The following SORCS1 variants were observed in gnomAD, a reference collection of about 807,000 sequenced individuals.
The protein encoded by SORCS1 is sortilin related VPS10 domain containing receptor 1.
In SORCS1, 60 loss-of-function variants were observed where a neutral mutation model predicts 146.1. The observed-to-expected ratio is 0.41, with a 90% CI of 0.33 to 0.51. SORCS1 has a LOEUF of 0.51. Among genes scored for constraint, SORCS1 ranks in the 20% least tolerant of loss-of-function variants. The pLI, the probability that SORCS1 is intolerant of heterozygous loss-of-function variation, is 0.21. For synonymous variants in SORCS1, 637 were observed against 584.0 expected (o/e 1.09, Z -1.31); for missense variants, 1,352 against 1,487.6 (o/e 0.91, Z 1.50).
chr10:106,696,994 G>C (rs1349073554), intron 9 of SORCS1, among the ~76,000 whole-genome samples: 8 of 152,154 alleles, frequency 5.3e-5, no homozygotes. Flanking sequence ...AAAGAAAACT[G>C]GGGATTAAGC....
At position 106,707,189 on chromosome 10, in the gene SORCS1, A is replaced by AT. The variant is rs3044946; in HGVS notation, c.1144-556dup. 5.4e-3 allele frequency among the ~76,000 whole-genome samples: 785 copies of AT among 145,164 alleles called. 10 individuals carry two copies. The highest frequency in any genetic ancestry group is 0.019 in the African/African-American group (752 of 39,196). ...ATCTAGGTCTCTTCTATTTAATTTA[A>AT]TTTTTTTTTTTTTTTTGAGATGAAG... On this transcript the variant is annotated intron_variant, in intron 7 of 25. Transcript: ENST00000263054.
intron 4 of SORCS1, among the ~76,000 whole-genome samples, chr10:106,772,422 C>A (rs938982821): frequency 6.6e-6 from 1 of 152,006 alleles, no homozygotes; most frequent in Non-Finnish European, 1.5e-5. Flanking sequence ...TAAGCCTCCA[C>A]AATTACATGA....
intron 2 of SORCS1, among the ~76,000 whole-genome samples, chr10:106,880,380 T>A (rs1715712115): frequency 6.6e-6 from 1 of 152,202 alleles, no homozygotes; most frequent in African/African-American, 2.4e-5. Context: ...TATGAACATA[T>A]TTAGGAAAAC....
At chr10:107,055,154 C>A (rs1960487842) in intron 1 of SORCS1, among the ~76,000 whole-genome samples, 1 of 152,124 alleles carries the variant, frequency 6.6e-6, no homozygotes, top group South Asian at 2.1e-4. Flanking sequence ...CTGGGAGAAG[C>A]CTTGAAGAGC....
chr10:106,915,992 T>C (rs1362839319), intron 2 of SORCS1, among the ~76,000 whole-genome samples: 1 of 152,212 alleles, frequency 6.6e-6, no homozygotes, highest in Non-Finnish European at 1.5e-5. Flanking sequence ...AAAACCTTGA[T>C]GGCTCTATCG....
At chr10:106,603,187 A>G (rs750588167) in intron 23 of SORCS1, among the ~76,000 whole-genome samples, 3 of 152,204 alleles carry the variant, frequency 2.0e-5, no homozygotes, top group Non-Finnish European at 4.4e-5. Context: ...AAACAAATTT[A>G]TTCACCCCTG....
At chr10:106,673,912 T>C (rs1370415362) in intron 14 of SORCS1, among the ~76,000 whole-genome samples, 2 of 152,134 alleles carry the variant, frequency 1.3e-5, no homozygotes, top group Admixed American at 1.3e-4. Context: ...ATATAAAAAT[T>C]GAAGAAAGAC....
chr10:106,585,443 C>T (rs1377591498), intron 24 of SORCS1, among the ~76,000 whole-genome samples: 1 of 152,120 alleles, frequency 6.6e-6, no homozygotes, highest in Non-Finnish European at 1.5e-5. Flanking sequence ...CCTACACACA[C>T]AAATGTTCCC....
At chr10:106,896,368 G>A (rs527440571) in intron 2 of SORCS1, among the ~76,000 whole-genome samples, 95 of 150,332 alleles carry the variant, frequency 6.3e-4, no homozygotes, top group Non-Finnish European at 1.1e-3. Flanking sequence ...GACAGGGGTT[G>A]CAGTGAGCCA....
Position 106,601,091 on chromosome 10 carries a change from T to C in SORCS1, c.3166-3641A>G, listed in dbSNP as rs140342538. 5.7e-3 allele frequency among the ~76,000 whole-genome samples: 861 copies of C among 152,108 alleles called. 13 individuals are homozygous for C. The highest frequency in any genetic ancestry group is 0.02 in the African/African-American group (834 of 41,460). On this transcript the variant is annotated intron_variant, in intron 23 of 25. Transcript: ENST00000263054. Reference sequence around the variant, plus strand: ...CATAATTGGGTAATGTTTGGGAGAGTCTTCGGCTATAGAAAGGAGTAGAAT... The same window carrying C: ...CATAATTGGGTAATGTTTGGGAGAGCCTTCGGCTATAGAAAGGAGTAGAAT...
intron 3 of SORCS1, among the ~76,000 whole-genome samples, chr10:106,800,069 T>C (rs1340678508): frequency 6.6e-6 from 1 of 152,180 alleles, no homozygotes; most frequent in Non-Finnish European, 1.5e-5. Flanking sequence ...GTCAGAATTG[T>C]CTGCCTGCCC....
At chr10:106,669,745 C>T (rs1851444795) in intron 16 of SORCS1, among the ~76,000 whole-genome samples, 2 of 152,180 alleles carry the variant, frequency 1.3e-5, no homozygotes, top group Non-Finnish European at 2.9e-5. Flanking sequence ...GCTCTGTTGC[C>T]CTCTGGCTGA....
chr10:107,074,218 G>C (rs72812922), intron 1 of SORCS1, among the ~76,000 whole-genome samples: 1 of 152,020 alleles, frequency 6.6e-6, no homozygotes, highest in Non-Finnish European at 1.5e-5. Context: ...CCCCAACACC[G>C]GGCAACCACT....
chr10:106,929,770 C>G (rs60850555), intron 2 of SORCS1, among the ~76,000 whole-genome samples: 1 of 120,624 alleles, frequency 8.3e-6, no homozygotes, highest in East Asian at 2.4e-4. Context: ...GGCATGTGCA[C>G]GTGCACACAC....
intron 5 of SORCS1, among the ~76,000 whole-genome samples, chr10:106,748,705 C>A (rs1232786259): frequency 2.8e-4 from 42 of 152,114 alleles, no homozygotes; most frequent in Non-Finnish European, 1.5e-5. Flanking sequence ...CTGTTCTAGG[C>A]ACTTTGCTGT....
intron 8 of SORCS1, among the ~76,000 whole-genome samples, chr10:106,706,163 T>A (rs940718276): frequency 6.7e-6 from 1 of 148,906 alleles, no homozygotes; most frequent in Non-Finnish European, 1.5e-5. Context: ...CATATGAATG[T>A]TCCTATAGCA....
chr10:106,684,071 C>T (rs1015737747), intron 10 of SORCS1, among the ~76,000 whole-genome samples: 2 of 152,210 alleles, frequency 1.3e-5, no homozygotes, highest in Admixed American at 6.5e-5. Context: ...CACGGTGGCT[C>T]ATGCCTGTAA....
intron 18 of SORCS1, among the ~76,000 whole-genome samples, chr10:106,649,727 G>A (rs1434827303): frequency 2.0e-5 from 3 of 152,048 alleles, no homozygotes; most frequent in Non-Finnish European, 4.4e-5. Context: ...CTCTCCTTCT[G>A]AGGCTACAAT....
At chr10:106,935,760 A>G (rs1953680667) in intron 2 of SORCS1, among the ~76,000 whole-genome samples, 2 of 152,234 alleles carry the variant, frequency 1.3e-5, no homozygotes, top group African/African-American at 4.8e-5. Context: ...TTTAGAACAC[A>G]GGACATGCTC....
Sources: gnomAD v4.1 joint callset for allele counts (sites outside exome capture counted in the v4.1 genomes callset) on GRCh38, gnomAD v4.1.1 for gene constraint, MANE v1.5 for transcripts, NCBI Gene and HGNC (gene_info 2026-07-23, HGNC 2026-07-21) for gene names.